Variants in ZNF532 observed in about 807,000 individuals in gnomAD.
The protein encoded by ZNF532 is zinc finger protein 532.
In ZNF532, 22 loss-of-function variants were observed where a neutral mutation model predicts 89.3. The observed-to-expected ratio is 0.25, with a 90% CI of 0.18 to 0.35. The LOEUF (loss-of-function observed/expected upper bound fraction) is 0.35, where lower values mean the gene tolerates loss of function less well. Ranked by LOEUF, ZNF532 falls within the 10% of genes least tolerant of loss-of-function variation. The probability of loss-of-function intolerance (pLI) is 1.00; values close to 1 mark genes in which losing one functional copy is unlikely to be tolerated. For synonymous variants in ZNF532, 606 were observed against 649.6 expected (o/e 0.93, Z 1.02); for missense variants, 1,132 against 1,643.4 (o/e 0.69, Z 5.38).
chr18:58,957,346 C>T (rs1365147164), intron 7 of ZNF532, among the ~76,000 whole-genome samples: 4 of 130,084 alleles, frequency 3.1e-5, no homozygotes, highest in South Asian at 2.8e-4. Flanking sequence ...AATATGTCAG[C>T]GTTCTGAACC....
intron 2 of ZNF532, among the ~76,000 whole-genome samples, chr18:58,880,793 T>TG (rs1402848016): frequency 6.6e-6 from 1 of 151,468 alleles, no homozygotes; most frequent in Non-Finnish European, 1.5e-5. Context: ...TGTGTGTATG[T>TG]TTGGGGCCCC....
chr18:58,961,470 C>T (rs945970612), intron 7 of ZNF532, among the ~76,000 whole-genome samples: 5 of 152,212 alleles, frequency 3.3e-5, no homozygotes, highest in African/African-American at 1.2e-4. Context: ...GAAAAAAAGA[C>T]TGGCGAGTCC....
chr18:58,965,410 G>T (rs767254578), intron 7 of ZNF532, among the ~76,000 whole-genome samples: 2 of 152,214 alleles, frequency 1.3e-5, no homozygotes, highest in Non-Finnish European at 2.9e-5. Context: ...TTTGCAGCCT[G>T]CCAGAGGCAG....
intron 7 of ZNF532, among the ~76,000 whole-genome samples, chr18:58,976,265 C>T (rs1442999062): frequency 1.3e-5 from 2 of 152,192 alleles, no homozygotes; most frequent in African/African-American, 4.8e-5. Flanking sequence ...GGATGTCTCT[C>T]TCACATTGAT....
chr18:58,887,345 T>C (rs1046088433), intron 2 of ZNF532, among the ~76,000 whole-genome samples: 1 of 152,220 alleles, frequency 6.6e-6, no homozygotes, highest in African/African-American at 2.4e-5. Flanking sequence ...AAGAGAAACA[T>C]GGGGCAGGTA....
chr18:58,937,177 G>T (rs2062551404), intron 4 of ZNF532, among the ~76,000 whole-genome samples: 1 of 152,074 alleles, frequency 6.6e-6, no homozygotes, highest in African/African-American at 2.4e-5. Context: ...AAAAAATAAA[G>T]AAACTTTATT....
chr18:58,942,629 A>G (rs910344496), intron 5 of ZNF532, among the ~76,000 whole-genome samples: 6 of 151,884 alleles, frequency 4.0e-5, no homozygotes, highest in African/African-American at 1.2e-4. Flanking sequence ...CCTGTACTGC[A>G]GTGTTCCCGG....
intron 5 of ZNF532, among the ~76,000 whole-genome samples, chr18:58,945,488 T>C (rs1204427646): frequency 6.6e-6 from 1 of 152,190 alleles, no homozygotes; most frequent in East Asian, 1.9e-4. Context: ...AACAACCTGC[T>C]CAGCCTCCTC....
At chr18:58,867,914 C>A (rs1329356783) in intron 2 of ZNF532, among the ~76,000 whole-genome samples, 1 of 152,350 alleles carries the variant, frequency 6.6e-6, no homozygotes, top group South Asian at 2.1e-4. Flanking sequence ...CCTGCCCCCA[C>A]CCACCTTGAC....
intron 7 of ZNF532, among the ~76,000 whole-genome samples, chr18:58,965,796 C>CT (rs966343363): frequency 6.6e-6 from 1 of 152,138 alleles, no homozygotes; most frequent in African/African-American, 2.4e-5. Flanking sequence ...TTTAGAGTGG[C>CT]TTGAATTTAG....
chr18:58,957,720 T>C (rs967535953), intron 7 of ZNF532, among the ~76,000 whole-genome samples: 2 of 152,202 alleles, frequency 1.3e-5, no homozygotes, highest in Non-Finnish European at 2.9e-5. Flanking sequence ...AGAAATATTC[T>C]GTATACAGTT....
In ZNF532 at chr18:58,888,691, A is replaced by C. The variant is rs111326682; in HGVS notation, c.-18+23112A>C. Among the ~76,000 whole-genome samples the C allele has an allele frequency of 9.2e-3, 509 of 55,522 alleles. 11 individuals carry two copies. Among genetic ancestry groups the C allele is most frequent in the African/African-American group, 0.036 (482 of 13,372 alleles). The allele number at this position is 55,522 out of a possible 152,430, so 36.4% of individuals were successfully genotyped here. A position where few individuals can be genotyped will look rare whatever the true frequency, so the allele number is the denominator to read the frequency against. The stretch of plus-strand genomic sequence containing the variant: ...AACTCTGTCTCCAAGGAAGGCAAAA[A>C]AAAAATTATATATATATATATATAT... On this transcript the variant is annotated intron_variant, in intron 2 of 9. Transcript: ENST00000591808.
At chr18:58,980,329 C>CTGAT (rs1198035257) in intron 8 of ZNF532, 1 of 152,198 alleles carries the variant, frequency 6.6e-6, no homozygotes, top group East Asian at 1.9e-4. Context: ...TAATGCTTCA[C>CTGAT]TGATAGGTTT....
At chr18:58,930,078 T>C (rs1010035925) in intron 3 of ZNF532, among the ~76,000 whole-genome samples, 1 of 152,228 alleles carries the variant, frequency 6.6e-6, no homozygotes, top group African/African-American at 2.4e-5. Flanking sequence ...AACATAAATA[T>C]ACAGCCATAC....
At chr18:58,906,893 A>G (rs1219709194) in intron 2 of ZNF532, among the ~76,000 whole-genome samples, 1 of 152,260 alleles carries the variant, frequency 6.6e-6, no homozygotes, top group African/African-American at 2.4e-5. Context: ...TTATTACAGC[A>G]TCCAGGAACT....
chr18:58,876,615 A>G (rs895146181), intron 2 of ZNF532, among the ~76,000 whole-genome samples: 3 of 152,180 alleles, frequency 2.0e-5, no homozygotes, highest in Admixed American at 6.6e-5. Context: ...ACATTTCTGC[A>G]TTACTCCACC....
chr18:58,917,120 ACT>A, intron 2 of ZNF532, among the ~76,000 whole-genome samples: 1 of 151,300 alleles, frequency 6.6e-6, no homozygotes, highest in Non-Finnish European at 1.5e-5. Flanking sequence ...CTCTTCTCTC[ACT>A]CTCTTCTCTT....
At chr18:58,863,602 A>G (rs1849140721), upstream of ZNF532, 1 of 11,128 alleles carries the variant, frequency 9.0e-5, no homozygotes, top group Non-Finnish European at 1.8e-4. Context: ...ACACGCCCGT[A>G]ACATGGAAGC....
chr18:58,982,175 G>A (rs927223618), intron 9 of ZNF532, among the ~76,000 whole-genome samples: 5 of 151,406 alleles, frequency 3.3e-5, no homozygotes, highest in African/African-American at 1.2e-4. Context: ...CATGATGGCA[G>A]GCGCCTTAAT....
Sources: gnomAD v4.1 joint callset for allele counts (sites outside exome capture counted in the v4.1 genomes callset) on GRCh38, gnomAD v4.1.1 for gene constraint, MANE v1.5 for transcripts, NCBI Gene and HGNC (gene_info 2026-07-23, HGNC 2026-07-21) for gene names.